KIAA1217: variants seen among roughly 807,000 people sequenced by gnomAD.
KIAA1217 encodes the protein sickle tail protein homolog.
A neutral mutation model predicts 163.9 loss-of-function variants in KIAA1217; 88 were observed. The ratio of observed to expected loss-of-function variants is 0.54; its 90% CI spans 0.45 to 0.64. The LOEUF (loss-of-function observed/expected upper bound fraction) is 0.64. Ranked by LOEUF, KIAA1217 falls within the 30% of genes least tolerant of loss-of-function variation. The pLI is 0.00. For synonymous variants in KIAA1217, 903 were observed against 923.1 expected (o/e 0.98, Z 0.39); for missense variants, 2,372 against 2,475.0 (o/e 0.96, Z 0.88).
chr10:24,382,597 T>A (rs1186839841), intron 3 of KIAA1217, among the ~76,000 whole-genome samples: 1 of 152,152 alleles, frequency 6.6e-6, no homozygotes, highest in Non-Finnish European at 1.5e-5. Flanking sequence ...ACAGAAAATG[T>A]GCTTTTTGTT....
rs374096524 is a variant in KIAA1217, at chr10:24,023,424, A to AT, written c.-171+16052dup. Among the ~76,000 whole-genome samples, 382 of 151,810 alleles carry AT rather than the reference A, an allele frequency of 2.5e-3. 1 individual carries two copies. Among genetic ancestry groups the AT allele is most frequent in the African/African-American group, 8.3e-3 (345 of 41,510 alleles). On this transcript the variant is annotated intron_variant, in intron 2 of 18. Transcript: ENST00000376462. ...TGACCCTTGAACAGTACAGGTTTGAATTGCACAGGTCCTCTTGTAAGTGGG... is the reference window on the plus strand; with the variant it reads ...TGACCCTTGAACAGTACAGGTTTGAATTTGCACAGGTCCTCTTGTAAGTGGG...
chr10:24,153,941 G>C (rs978724530), intron 2 of KIAA1217, among the ~76,000 whole-genome samples: 5 of 151,712 alleles, frequency 3.3e-5, no homozygotes, highest in Admixed American at 2.0e-4. Context: ...GAGTAAGACT[G>C]TGTCTCTACA....
At chr10:24,014,278 C>T (rs1847377683) in intron 2 of KIAA1217, among the ~76,000 whole-genome samples, 1 of 152,140 alleles carries the variant, frequency 6.6e-6, no homozygotes, top group Non-Finnish European at 1.5e-5. Context: ...TTAATACGCT[C>T]TGGCAAGAAA....
At chr10:23,889,558 G>C (rs1333004210) in intron 1 of KIAA1217, among the ~76,000 whole-genome samples, 1 of 151,676 alleles carries the variant, frequency 6.6e-6, no homozygotes, top group Non-Finnish European at 1.5e-5. Context: ...TATTTGTTTT[G>C]CAAATATCTT....
intron 2 of KIAA1217, among the ~76,000 whole-genome samples, chr10:24,092,762 C>G (rs1200503606): frequency 6.6e-6 from 1 of 151,592 alleles, no homozygotes; most frequent in African/African-American, 2.4e-5. Flanking sequence ...GAAGAGTGAA[C>G]TACTATGGGA....
chr10:24,287,257 G>C (rs1432414995), intron 2 of KIAA1217, among the ~76,000 whole-genome samples: 2 of 152,122 alleles, frequency 1.3e-5, no homozygotes, highest in African/African-American at 4.8e-5. Flanking sequence ...CACCATGTTG[G>C]TCAGGCTGGT....
intron 1 of KIAA1217, among the ~76,000 whole-genome samples, chr10:23,970,812 G>A (rs1341807156): frequency 6.6e-6 from 1 of 152,156 alleles, no homozygotes; most frequent in Non-Finnish European, 1.5e-5. Context: ...TAGGTGGCTG[G>A]ACATACCTCA....
At chr10:23,865,966 A>G (rs1431670521) in intron 1 of KIAA1217, among the ~76,000 whole-genome samples, 2 of 152,136 alleles carry the variant, frequency 1.3e-5, no homozygotes, top group East Asian at 3.9e-4. Flanking sequence ...AAACTTTATA[A>G]TAAAGTTTTA....
chr10:23,934,595 A>ACTT (rs1843427891), intron 1 of KIAA1217, among the ~76,000 whole-genome samples: 1 of 76,646 alleles, frequency 1.3e-5, no homozygotes, highest in Admixed American at 1.3e-4. Flanking sequence ...ATATATGTAT[A>ACTT]TATATATATA....
intron 2 of KIAA1217, among the ~76,000 whole-genome samples, chr10:24,008,552 G>A (rs2131483048): frequency 6.6e-6 from 1 of 152,254 alleles, no homozygotes; most frequent in Non-Finnish European, 1.5e-5. Context: ...TGCGGGTGCT[G>A]GATTTTGTGC....
intron 2 of KIAA1217, among the ~76,000 whole-genome samples, chr10:24,276,477 G>A (rs1449337476): frequency 6.6e-6 from 1 of 152,112 alleles, no homozygotes; most frequent in Admixed American, 6.6e-5. Flanking sequence ...ACAGGGTCTC[G>A]CTTTGTCACC....
At chr10:23,939,677 A>G (rs1843673760) in intron 1 of KIAA1217, among the ~76,000 whole-genome samples, 1 of 151,844 alleles carries the variant, frequency 6.6e-6, no homozygotes. Context: ...TAGAAATTTC[A>G]GCAGTTGTTA....
rs1028224037 is a variant in KIAA1217, at chr10:23,751,901, T to C, written c.-321+56667T>C. Among the ~76,000 whole-genome samples the C allele has an allele frequency of 3.9e-5, 6 of 152,342 alleles. No homozygotes were observed. The East Asian group carries it at 1.2e-3, about 29-fold the overall frequency. On this transcript the variant is annotated intron_variant, in intron 1 of 18. Transcript: ENST00000376462. ...AGATGAGAGAAAATTAGCAGACATC[T>C]TTTATTATGTCTACTGTCTTTAAAA...
intron 1 of KIAA1217, among the ~76,000 whole-genome samples, chr10:23,777,409 A>G (rs1835052475): frequency 6.6e-6 from 1 of 152,192 alleles, no homozygotes; most frequent in Non-Finnish European, 1.5e-5. Flanking sequence ...TAGAGTTAAG[A>G]GGGAAGTTAA....
intron 9 of KIAA1217, among the ~76,000 whole-genome samples, chr10:24,505,982 A>C (rs2068292511): frequency 6.6e-6 from 1 of 151,948 alleles, no homozygotes; most frequent in Admixed American, 6.6e-5. Context: ...GGAGTTTCCC[A>C]TGTGCAACAG....
intron 2 of KIAA1217, among the ~76,000 whole-genome samples, chr10:24,282,296 G>A (rs141039958): frequency 1.7e-3 from 252 of 151,910 alleles, no homozygotes; most frequent in Middle Eastern, 6.8e-3. Context: ...TCTTTTTCAG[G>A]TTTCTCCACT....
At chr10:24,007,140 T>C (rs930951175) in intron 1 of KIAA1217, 1 of 148,242 alleles carries the variant, frequency 6.7e-6, no homozygotes, top group African/African-American at 2.5e-5. Flanking sequence ...TTTTTCTGCT[T>C]TTTTTTTTTT....
chr10:23,973,436 G>C (rs913166158), intron 1 of KIAA1217, among the ~76,000 whole-genome samples: 1 of 152,252 alleles, frequency 6.6e-6, no homozygotes, highest in Non-Finnish European at 1.5e-5. Context: ...AAATGGTAGA[G>C]CTGGGATTCA....
chr10:24,515,784 T>C (rs750478781), intron 10 of KIAA1217, among the ~76,000 whole-genome samples: 1 of 152,166 alleles, frequency 6.6e-6, no homozygotes, highest in Non-Finnish European at 1.5e-5. Context: ...CAGAAATGGT[T>C]TGTTAGGCTG....
Sources: allele counts gnomAD v4.1 joint callset (sites outside exome capture counted in the v4.1 genomes callset), GRCh38; gene constraint gnomAD v4.1.1; transcripts MANE v1.5; gene names NCBI Gene and HGNC (gene_info 2026-07-23, HGNC 2026-07-21).